The following CNTNAP2 variants were observed in gnomAD, a reference collection of about 807,000 sequenced individuals.
The protein encoded by CNTNAP2 is contactin-associated protein-like 2.
CNTNAP2 carries 98 observed loss-of-function variants against 155.2 expected under a neutral mutation model. That is an observed-to-expected ratio of 0.63 (90% CI 0.54 to 0.75). CNTNAP2 has a LOEUF of 0.75. Among genes scored for constraint, CNTNAP2 ranks in the 30% least tolerant of loss-of-function variants. CNTNAP2 has a pLI of 0.00. For synonymous variants in CNTNAP2, 651 were observed against 631.2 expected, an observed-to-expected ratio of 1.03 and a Z score of -0.47; for missense variants, 1,727 against 1,688.1, an observed-to-expected ratio of 1.02 and a Z score of -0.40.
intron 1 of CNTNAP2, among the ~76,000 whole-genome samples, chr7:146,398,436 G>T (rs912313488): frequency 6.6e-6 from 1 of 151,988 alleles, no homozygotes; most frequent in Non-Finnish European, 1.5e-5. Context: ...ACTATCATGC[G>T]AATAGCGTGG....
intron 1 of CNTNAP2, among the ~76,000 whole-genome samples, chr7:146,679,811 A>T (rs1469670665): frequency 1.3e-5 from 2 of 151,850 alleles, no homozygotes; most frequent in African/African-American, 4.8e-5. Flanking sequence ...ACATTACTTG[A>T]CTTCAATTGA....
chr7:146,148,822 A>C (rs1264876386), intron 1 of CNTNAP2, among the ~76,000 whole-genome samples: 2 of 152,184 alleles, frequency 1.3e-5, no homozygotes, highest in Non-Finnish European at 2.9e-5. Flanking sequence ...GCTAATCAGA[A>C]CAAAAAAAGG....
At chr7:147,941,423 G>T (rs1800719708) in intron 14 of CNTNAP2, among the ~76,000 whole-genome samples, 1 of 152,134 alleles carries the variant, frequency 6.6e-6, no homozygotes, top group South Asian at 2.1e-4. Flanking sequence ...TTCCTCTCCT[G>T]CCAGCCCTAA....
At chr7:147,081,175 G>A (rs544734579) in intron 4 of CNTNAP2, 9 of 152,118 alleles carry the variant, frequency 5.9e-5, no homozygotes, top group African/African-American at 1.9e-4. Context: ...CCTTAGTATC[G>A]GATTGTTGAG....
intron 6 of CNTNAP2, among the ~76,000 whole-genome samples, chr7:147,128,150 G>C (rs978653789): frequency 2.6e-5 from 4 of 152,050 alleles, no homozygotes; most frequent in African/African-American, 4.8e-5. Context: ...ATATTGTAAT[G>C]ATATTTTTTG....
At chr7:146,868,793 C>T (rs1795252661) in intron 3 of CNTNAP2, among the ~76,000 whole-genome samples, 1 of 152,046 alleles carries the variant, frequency 6.6e-6, no homozygotes, top group Non-Finnish European at 1.5e-5. Context: ...AGTGGGATTG[C>T]CCTTCTGATT....
chr7:147,420,192 C>G (rs955754064), intron 10 of CNTNAP2, among the ~76,000 whole-genome samples: 1 of 152,088 alleles, frequency 6.6e-6, no homozygotes, highest in African/African-American at 2.4e-5. Context: ...TACTGTAAGT[C>G]CAGCATACGG....
chr7:146,794,124 C>G (rs1323341700), intron 2 of CNTNAP2, among the ~76,000 whole-genome samples: 1 of 152,170 alleles, frequency 6.6e-6, no homozygotes, highest in Non-Finnish European at 1.5e-5. Context: ...GACATTTTCT[C>G]TCTGTGCAGA....
intron 12 of CNTNAP2, 73 bp from the exon 13 acceptor site, chr7:147,639,033 A>T: frequency 2.1e-6 from 3 of 1,453,138 alleles, no homozygotes. Context: ...AGTGTGGCTC[A>T]ATTATTTTCT....
At chr7:147,726,508 T>A (rs924468767) in intron 13 of CNTNAP2, among the ~76,000 whole-genome samples, 3 of 151,928 alleles carry the variant, frequency 2.0e-5, no homozygotes, top group Non-Finnish European at 4.4e-5. Flanking sequence ...GCTGTCTTTA[T>A]GTTAAGGGCA....
chr7:147,368,014 C>A (rs1418829074), intron 9 of CNTNAP2, among the ~76,000 whole-genome samples: 8 of 42,246 alleles, frequency 1.9e-4, no homozygotes, highest in African/African-American at 7.2e-4. Context: ...CTCTCTCTCT[C>A]CCCCCCCTCC....
At chr7:147,546,183 T>A (rs187220630) in intron 11 of CNTNAP2, among the ~76,000 whole-genome samples, 1 of 152,146 alleles carries the variant, frequency 6.6e-6, no homozygotes, top group East Asian at 1.9e-4. Flanking sequence ...CCCAGAATCA[T>A]GGTGGGAGGG....
intron 22 of CNTNAP2, among the ~76,000 whole-genome samples, chr7:148,385,398 A>G (rs1276300112): frequency 2.6e-5 from 4 of 152,226 alleles, no homozygotes; most frequent in African/African-American, 7.2e-5. Flanking sequence ...TGAAAATACA[A>G]GAGGAGAAAA....
intron 1 of CNTNAP2, among the ~76,000 whole-genome samples, chr7:146,603,411 CAA>C (rs564677956): frequency 1.5e-5 from 2 of 130,602 alleles, no homozygotes; most frequent in African/African-American, 2.8e-5. Flanking sequence ...GACTCTGTCT[CAA>C]AAAAAAAAAA....
chr7:147,632,170 T>C (rs549526589), intron 12 of CNTNAP2, among the ~76,000 whole-genome samples: 53 of 152,156 alleles, frequency 3.5e-4, no homozygotes, highest in Non-Finnish European at 4.3e-4. Context: ...GAAAAGAGCA[T>C]GAGTAGAGAA....
At chr7:147,869,553 A>G (rs1799292506) in intron 13 of CNTNAP2, among the ~76,000 whole-genome samples, 1 of 152,230 alleles carries the variant, frequency 6.6e-6, no homozygotes, top group South Asian at 2.1e-4. Flanking sequence ...GTCAAGGAAA[A>G]CAAGTACAAG....
At chr7:147,746,287 G>C (rs1018721925) in intron 13 of CNTNAP2, among the ~76,000 whole-genome samples, 1 of 152,114 alleles carries the variant, frequency 6.6e-6, no homozygotes, top group African/African-American at 2.4e-5. Flanking sequence ...TTTACCAACA[G>C]CTGAAACTGA....
At chr7:148,364,983 T>C (rs1798710307) in intron 21 of CNTNAP2, among the ~76,000 whole-genome samples, 1 of 152,070 alleles carries the variant, frequency 6.6e-6, no homozygotes, top group South Asian at 2.1e-4. Context: ...AGGAAGAAAC[T>C]CCGAACACAT....
chr7:147,022,979 A>G (rs929328693), intron 3 of CNTNAP2, among the ~76,000 whole-genome samples: 2 of 152,182 alleles, frequency 1.3e-5, no homozygotes, highest in Non-Finnish European at 2.9e-5. Flanking sequence ...TGGAACCGAG[A>G]ATCATTAATC....
Sources: allele counts gnomAD v4.1 joint callset (sites outside exome capture counted in the v4.1 genomes callset), GRCh38; gene constraint gnomAD v4.1.1; transcripts MANE v1.5; gene names NCBI Gene and HGNC (gene_info 2026-07-23, HGNC 2026-07-21).